Variants in CHN2 observed in about 807,000 individuals in gnomAD.
CHN2 encodes the protein chimerin 2, also known as beta-chimaerin.
CHN2 carries 35 observed loss-of-function variants against 56.3 expected under a neutral mutation model. The ratio of observed to expected loss-of-function variants is 0.62; its 90% CI spans 0.47 to 0.82. The LOEUF (loss-of-function observed/expected upper bound fraction) is 0.82, where lower values mean the gene tolerates loss of function less well. CHN2 is among the 40% of genes least tolerant of loss of function. The pLI is 0.00. For synonymous variants in CHN2, 210 were observed against 212.8 expected (o/e 0.99, Z 0.12); for missense variants, 491 against 580.5 (o/e 0.85, Z 1.58).
Position 29,481,727 on chromosome 7 carries a change from G to GT in CHN2, c.654+1378dup, listed in dbSNP as rs1304611821. ...TAATTTTTTTTGGCCTTAAGAAAGT[G>GT]TTTTTTTGATTTTTAGCAGAAATCC... On this transcript the variant is annotated intron_variant, in intron 7 of 12. Transcript: ENST00000222792. 2.5e-4 allele frequency among the ~76,000 whole-genome samples: 36 copies of GT among 141,934 alleles called. 1 individual carries two copies. The East Asian group carries it at 6.2e-3, about 25-fold the overall frequency. The allele number at this position is 141,934 out of a possible 152,430, so 93.1% of individuals were successfully genotyped here. A position where few individuals can be genotyped will look rare whatever the true frequency, so the allele number is the denominator to read the frequency against.
At chr7:29,265,234 A>G (rs908466854) in intron 1 of CHN2, among the ~76,000 whole-genome samples, 2 of 152,268 alleles carry the variant, frequency 1.3e-5, no homozygotes, top group South Asian at 2.1e-4. Flanking sequence ...GAAAGCTCCA[A>G]GTTGCCTCCT....
At chr7:29,411,877 C>A (rs987674010) in intron 6 of CHN2, among the ~76,000 whole-genome samples, 9 of 152,258 alleles carry the variant, frequency 5.9e-5, no homozygotes, top group Admixed American at 1.3e-4. Flanking sequence ...GCTGGCAGTT[C>A]ATTGCTGCCT....
At chr7:29,263,234 T>C (rs7792436) in intron 1 of CHN2, among the ~76,000 whole-genome samples, 10,634 of 152,262 alleles carry the variant, frequency 0.07, 572 homozygotes, top group East Asian at 0.16. Flanking sequence ...TTCGCCGTGT[T>C]GGCCGGGCTG....
intron 1 of CHN2, among the ~76,000 whole-genome samples, chr7:29,221,460 T>TC (rs1327682124): frequency 6.6e-6 from 1 of 152,210 alleles, no homozygotes; most frequent in Non-Finnish European, 1.5e-5. Context: ...TCTTTTTTTT[T>TC]CCTTCAACTT....
chr7:29,250,015 G>A (rs1788373145), intron 1 of CHN2, among the ~76,000 whole-genome samples: 1 of 152,178 alleles, frequency 6.6e-6, no homozygotes, highest in Admixed American at 6.5e-5. Context: ...GCATTGCCAA[G>A]ACCTTACCGA....
At chr7:29,480,890 CA>C (rs146095172) in intron 7 of CHN2, among the ~76,000 whole-genome samples, 12,183 of 149,938 alleles carry the variant, frequency 0.081, 566 homozygotes, top group Admixed American at 0.16. Context: ...GTACGGCTAG[CA>C]GGGGGGGCAC....
chr7:29,248,327 C>T (rs1437538115), intron 1 of CHN2, among the ~76,000 whole-genome samples: 1 of 152,210 alleles, frequency 6.6e-6, no homozygotes, highest in East Asian at 1.9e-4. Context: ...GTCAGACCTG[C>T]CTTCAGCCTG....
intron 6 of CHN2, among the ~76,000 whole-genome samples, chr7:29,420,884 A>G (rs1804270673): frequency 6.6e-6 from 1 of 150,734 alleles, no homozygotes; most frequent in African/African-American, 2.4e-5. Context: ...ATCTTGGCTC[A>G]CTGCAACCCC....
chr7:29,359,713 A>G (rs539224678), intron 2 of CHN2, among the ~76,000 whole-genome samples: 1 of 152,354 alleles, frequency 6.6e-6, no homozygotes, highest in Admixed American at 6.5e-5. Context: ...TCAATGCTCT[A>G]AAAGAAGAGC....
At chr7:29,424,699 A>T (rs967655587) in intron 6 of CHN2, among the ~76,000 whole-genome samples, 4 of 151,756 alleles carry the variant, frequency 2.6e-5, no homozygotes, top group Admixed American at 1.3e-4. Context: ...TCTCTTTTTT[A>T]AAAAAAATCT....
At chr7:29,434,858 A>G (rs1262077341) in intron 6 of CHN2, among the ~76,000 whole-genome samples, 1 of 152,186 alleles carries the variant, frequency 6.6e-6, no homozygotes, top group Admixed American at 6.5e-5. Context: ...TTGGAAGGCC[A>G]GGGCAGGCAG....
chr7:29,231,116 A>G (rs1786666848), intron 1 of CHN2, among the ~76,000 whole-genome samples: 1 of 152,174 alleles, frequency 6.6e-6, no homozygotes, highest in Non-Finnish European at 1.5e-5. Context: ...AATAAGCTAT[A>G]TGGCATGTGT....
chr7:29,416,573 C>T (rs1486657681), intron 6 of CHN2, among the ~76,000 whole-genome samples: 4 of 152,120 alleles, frequency 2.6e-5, no homozygotes, highest in Non-Finnish European at 5.9e-5. Context: ...CCTCTCCCAT[C>T]GTTTCTAGTA....
exon 2 of CHN2, chr7:29,146,950 C>T: frequency 6.4e-7 from 1 of 1,551,124 alleles, no homozygotes; most frequent in Non-Finnish European, 8.7e-7. Flanking sequence ...TACATTCCAG[C>T]TGCACTAGCA....
At chr7:29,363,103 C>A (rs540377355) in intron 2 of CHN2, among the ~76,000 whole-genome samples, 16 of 152,286 alleles carry the variant, frequency 1.1e-4, no homozygotes, top group Admixed American at 7.8e-4. Flanking sequence ...ACTCCTGTTA[C>A]ACACACACTG....
At chr7:29,381,384 A>G (rs766562116) in intron 3 of CHN2, among the ~76,000 whole-genome samples, 1 of 152,174 alleles carries the variant, frequency 6.6e-6, no homozygotes, top group Non-Finnish European at 1.5e-5. Context: ...GGGTTGTCCA[A>G]ACAAGGAGGG....
chr7:29,221,879 G>A (rs748070918), intron 1 of CHN2, among the ~76,000 whole-genome samples: 14 of 152,150 alleles, frequency 9.2e-5, no homozygotes, highest in African/African-American at 1.2e-4. Context: ...CATTTGGGTT[G>A]ATTCCATGTC....
chr7:29,159,304 T>C (rs887899375), intron 2 of CHN2, among the ~76,000 whole-genome samples: 5 of 152,176 alleles, frequency 3.3e-5, no homozygotes, highest in African/African-American at 1.2e-4. Context: ...CCACAGCTGG[T>C]TAGAAGCAGA....
intron 1 of CHN2, among the ~76,000 whole-genome samples, chr7:29,222,717 C>A (rs1280389608): frequency 6.6e-6 from 1 of 152,044 alleles, no homozygotes; most frequent in African/African-American, 2.4e-5. Context: ...CAATAAAAAT[C>A]AGTTAATTTT....
Sources: gnomAD v4.1 joint callset for allele counts (sites outside exome capture counted in the v4.1 genomes callset) on GRCh38, gnomAD v4.1.1 for gene constraint, MANE v1.5 for transcripts, NCBI Gene and HGNC (gene_info 2026-07-23, HGNC 2026-07-21) for gene names.